The following ARHGEF18 variants were observed in gnomAD, a reference collection of about 807,000 sequenced individuals.
ARHGEF18 encodes the protein rho guanine nucleotide exchange factor 18.
A neutral mutation model predicts 155.7 loss-of-function variants in ARHGEF18; 93 were observed. That is an observed-to-expected ratio of 0.60 (90% CI 0.50 to 0.71). The LOEUF (loss-of-function observed/expected upper bound fraction) is 0.71. Ranked by LOEUF, ARHGEF18 falls within the 30% of genes least tolerant of loss-of-function variation. The probability of loss-of-function intolerance (pLI) is 0.00; values close to 1 mark genes in which losing one functional copy is unlikely to be tolerated. For synonymous variants in ARHGEF18, 742 were observed against 753.1 expected (o/e 0.99, Z 0.24); for missense variants, 1,593 against 1,816.1 (o/e 0.88, Z 2.23).
chr19:7,364,365 A>AAAGGAAGGAAGGAAGGAAGGAAGGAAGG (rs752918785), intron 2 of ARHGEF18, among the ~76,000 whole-genome samples: 17 of 112,936 alleles, frequency 1.5e-4, no homozygotes, highest in East Asian at 8.3e-4. Context: ...GGAGGGAAGG[A>AAAGGAAGGAAGGAAGGAAGGAAGGAAGG]AAGGAAGGAA....
chr19:7,424,172 G>A (rs1003092388), intron 10 of ARHGEF18, among the ~76,000 whole-genome samples: 1 of 151,818 alleles, frequency 6.6e-6, no homozygotes, highest in Non-Finnish European at 1.5e-5. Flanking sequence ...GATTACAGGC[G>A]CCCACCACCA....
intron 2 of ARHGEF18, among the ~76,000 whole-genome samples, chr19:7,370,504 A>C (rs1281979211): frequency 6.6e-6 from 1 of 152,074 alleles, no homozygotes; most frequent in Non-Finnish European, 1.5e-5. Context: ...TCAAAAAATA[A>C]TAAATAAATA....
intron 16 of ARHGEF18, 138 bp downstream of exon 16, chr19:7,451,404 CTTTTTTTT>C: frequency 2.7e-6 from 1 of 377,182 alleles, no homozygotes; most frequent in Middle Eastern, 8.1e-4. Flanking sequence ...GGGTTCCTTC[CTTTTTTTT>C]TTTTTTTTTT....
At chr19:7,400,180 C>T (rs370954415) in intron 10 of ARHGEF18, among the ~76,000 whole-genome samples, 1 of 152,192 alleles carries the variant, frequency 6.6e-6, no homozygotes, top group South Asian at 2.1e-4. Context: ...TTTTAATTCA[C>T]GTCACTTTTT....
At position 7,444,378 on chromosome 19, in the gene ARHGEF18, G is replaced by A. The variant is rs560092117; in HGVS notation, c.1535G>A (p.Arg512His). ...HSHFLARLKERRQESLEEGSD... is the reference protein window; with the variant it reads ...HSHFLARLKEHRQESLEEGSD... ...CACTTCCTCGCTCGGCTCAAGGAGCGCCGCCAGGAGTCCCTGGAGGAGGGC... is the reference window on the plus strand; with the variant it reads ...CACTTCCTCGCTCGGCTCAAGGAGCACCGCCAGGAGTCCCTGGAGGAGGGC... The change falls in exon 14 of 29, where the codon CGC becomes CAC. Residue 512 changes from arginine to histidine, a missense_variant. Transcript: ENST00000668164. The surrounding 1 kb of genome is among the most constrained non-coding windows in gnomAD (Gnocchi z 4.7). 14 of 1,613,576 alleles carry A rather than the reference G, an allele frequency of 8.7e-6. No homozygotes were observed. The East Asian group carries it at 8.9e-5, about 10-fold the overall frequency.
rs144852936 is a variant in ARHGEF18 at position 7,407,669 on chromosome 19, A to G, written c.967+24466A>G. 3.4e-3 allele frequency among the ~76,000 whole-genome samples: 520 copies of G among 152,212 alleles called. 1 individual carries two copies. Among genetic ancestry groups the G allele is most frequent in the African/African-American group, 0.012 (494 of 41,524 alleles). On this transcript the variant is annotated intron_variant, in intron 10 of 28. Coordinates refer to ENST00000668164, the MANE Select transcript of ARHGEF18 (RefSeq NM_001367823.1). ...TAGGCTCTCCCTTCCAGAACAAACC[A>G]ATTAGATATAGTAGGCCAGGGGCCA...
rs1478162617 is a variant in ARHGEF18, at chr19:7,463,227, T to A, written c.2636-591T>A. Among the ~76,000 whole-genome samples, 1 of 152,126 alleles carries A rather than the reference T, an allele frequency of 6.6e-6. No homozygotes were observed. Among genetic ancestry groups the A allele is most frequent in the Non-Finnish European group, 1.5e-5 (1 of 68,018 alleles). On this transcript the variant is annotated intron_variant, in intron 21 of 28. Coordinates refer to ENST00000668164, the MANE Select transcript of ARHGEF18 (RefSeq NM_001367823.1). The surrounding 1 kb of genome is among the most constrained non-coding windows in gnomAD (Gnocchi z 5.2). Reference sequence around the variant, plus strand: ...AAGACGGCAGAGACGGGGGTCAGTCTTTCTCCCTCCAGGCCCACTGACATC... The same window carrying A: ...AAGACGGCAGAGACGGGGGTCAGTCATTCTCCCTCCAGGCCCACTGACATC...
chr19:7,364,365 A>AAAGGAAGGAAGG (rs752918785), intron 2 of ARHGEF18, among the ~76,000 whole-genome samples: 2,961 of 112,860 alleles, frequency 0.026, 139 homozygotes, highest in African/African-American at 0.084. Flanking sequence ...GGAGGGAAGG[A>AAAGGAAGGAAGG]AAGGAAGGAA....
intron 10 of ARHGEF18, among the ~76,000 whole-genome samples, chr19:7,408,373 C>G (rs554480345): frequency 4.2e-4 from 64 of 152,224 alleles, no homozygotes; most frequent in Non-Finnish European, 7.6e-4. Flanking sequence ...CCACAGACAA[C>G]AGAGAAACAA....
At chr19:7,428,525 T>C (rs983728349) in intron 10 of ARHGEF18, among the ~76,000 whole-genome samples, 20 of 147,644 alleles carry the variant, frequency 1.4e-4, no homozygotes, top group Admixed American at 2.7e-4. Flanking sequence ...TCTGAAGAGA[T>C]TTTTTTTTTT....
At chr19:7,387,362 C>G (rs1417421605) in intron 10 of ARHGEF18, among the ~76,000 whole-genome samples, 3 of 151,910 alleles carry the variant, frequency 2.0e-5, no homozygotes, top group Non-Finnish European at 2.9e-5. Flanking sequence ...CCGTGTTAAC[C>G]AGGATAATCT....
intron 10 of ARHGEF18, among the ~76,000 whole-genome samples, chr19:7,412,305 G>A (rs1042779423): frequency 2.4e-5 from 3 of 126,302 alleles, no homozygotes; most frequent in East Asian, 2.8e-4. Context: ...GTGAGCCACC[G>A]CGCCCGGCCT....
rs935435760 is a variant in ARHGEF18 at position 7,355,585 on chromosome 19, A to G, written c.-111+6344A>G. On this transcript the variant is annotated intron_variant, in intron 1 of 28. Transcript: ENST00000668164. ...CAGCCCCATCCTGGCAGGGATTCCCAGGCCAGCTCACACTCAAGCTCTCAC... is the reference window on the plus strand; with the variant it reads ...CAGCCCCATCCTGGCAGGGATTCCCGGGCCAGCTCACACTCAAGCTCTCAC... The G allele has an allele frequency of 1.2e-4, 113 of 982,034 alleles. No individual in the cohort carries two copies. The African/African-American group carries it at 1.8e-3, about 16-fold the overall frequency. 60.8% of individuals were successfully genotyped at this position (982,034 alleles called of 1,614,324 possible).
rs115555106 is a variant in ARHGEF18, at chr19:7,440,481, G to A, written c.1105G>A (p.Gly369Arg). The change falls in exon 11 of 29, where the codon GGA becomes AGA. Residue 369 changes from glycine (G) to arginine (R), a missense_variant and splice_region_variant. Gly to Arg is a moderately radical substitution (Grantham distance 125). Transcript: ENST00000668164. This position sits in a 1 kb window ranked among gnomAD's most constrained non-coding sequence, Gnocchi z 5.4. ...PSPAGPGTQL[G>R]PITGEMDEAD... The stretch of plus-strand genomic sequence containing the variant: ...CCCGGCTGGCCCTGGGACGCAACTC[G>A]GGTAAGCCAGGGTCCCCTCTGTGCC... 1.7e-3 allele frequency: 2,635 copies of A among 1,595,494 alleles called. 2 individuals are homozygous for A. The highest frequency in any genetic ancestry group is 6.6e-3 in the African/African-American group (494 of 75,004).
At chr19:7,420,362 C>T (rs975388119) in intron 10 of ARHGEF18, among the ~76,000 whole-genome samples, 3 of 152,150 alleles carry the variant, frequency 2.0e-5, no homozygotes, top group Non-Finnish European at 2.9e-5. Flanking sequence ...AAGCAATTCC[C>T]GTGCCTCAGC....
At chr19:7,389,183 C>T (rs1971250610) in intron 10 of ARHGEF18, among the ~76,000 whole-genome samples, 1 of 151,038 alleles carries the variant, frequency 6.6e-6, no homozygotes, top group Non-Finnish European at 1.5e-5. Context: ...CAGAGTCTCG[C>T]TCTGTTGCCC....
At chr19:7,417,996 A>G (rs981303090) in intron 10 of ARHGEF18, among the ~76,000 whole-genome samples, 2 of 152,190 alleles carry the variant, frequency 1.3e-5, no homozygotes, top group Non-Finnish European at 2.9e-5. Flanking sequence ...CTGGGGCCAT[A>G]GTTTGCCGAC....
Position 7,383,106 on chromosome 19 carries a change from A to G in ARHGEF18, c.870A>G (p.Arg290=). 2 of 1,232,352 alleles carry G rather than the reference A, an allele frequency of 1.6e-6. No homozygotes were observed. The highest frequency in any genetic ancestry group is 2.0e-6 in the Non-Finnish European group (2 of 988,082). 76.3% of individuals were successfully genotyped at this position (1,232,352 alleles called of 1,614,324 possible). Residue 290 remains arginine, a synonymous_variant, in exon 10 of 29, where the codon CGA becomes CGG. Transcript: ENST00000668164. The stretch of plus-strand genomic sequence containing the variant: ...TGAAGGACAAGGGCCAGGATGCACG[A>G]GAGAGGCGGGAGTGTGTCAATGGGC... ...AHLKDKGQDA[R]ERRECVNGHQ...
intron 13 of ARHGEF18, among the ~76,000 whole-genome samples, chr19:7,442,861 C>T (rs957646693): frequency 5.9e-5 from 9 of 152,062 alleles, no homozygotes; most frequent in Non-Finnish European, 1.2e-4. Context: ...TGGCTGTGTC[C>T]TCACAAGGTC....
Sources: gnomAD v4.1 joint callset for allele counts (sites outside exome capture counted in the v4.1 genomes callset) on GRCh38, gnomAD v4.1.1 for gene constraint, Gnocchi (gnomAD v3.1) non-coding constraint, MANE v1.5 for transcripts, NCBI Gene and HGNC (gene_info 2026-07-23, HGNC 2026-07-21) for gene names.